Variants in PRKN observed in about 807,000 individuals in gnomAD.
PRKN encodes E3 ubiquitin-protein ligase parkin.
In PRKN, 56 loss-of-function variants were observed where a neutral mutation model predicts 59.5. The ratio of observed to expected loss-of-function variants is 0.94; its 90% CI spans 0.76 to 1.18. The LOEUF (loss-of-function observed/expected upper bound fraction) is 1.18. Among genes scored for constraint, PRKN ranks in the 50% most tolerant of loss-of-function variants. The pLI, the probability that PRKN is intolerant of heterozygous loss-of-function variation, is 0.00. For synonymous variants in PRKN, 250 were observed against 222.1 expected, an observed-to-expected ratio of 1.13 and a Z score of -1.12; for missense variants, 657 against 596.4, an observed-to-expected ratio of 1.10 and a Z score of -1.06.
chr6:162,283,933 A>G (rs1414553702), intron 2 of PRKN, among the ~76,000 whole-genome samples: 1 of 152,220 alleles, frequency 6.6e-6, no homozygotes, highest in Non-Finnish European at 1.5e-5. Context: ...TACCTGAACA[A>G]TATTCTAAAA....
At chr6:161,421,260 C>A (rs1788094449) in intron 9 of PRKN, among the ~76,000 whole-genome samples, 1 of 152,128 alleles carries the variant, frequency 6.6e-6, no homozygotes, top group South Asian at 2.1e-4. Flanking sequence ...TTGAAACGTG[C>A]TGAATTCCCA....
intron 1 of PRKN, among the ~76,000 whole-genome samples, chr6:162,685,392 T>C (rs941377401): frequency 6.6e-5 from 10 of 152,170 alleles, no homozygotes; most frequent in South Asian, 2.1e-4. Context: ...CAGAAAAGTA[T>C]ATATTTTTCA....
intron 6 of PRKN, among the ~76,000 whole-genome samples, chr6:161,852,675 GC>G (rs1281016681): frequency 6.6e-6 from 1 of 152,172 alleles, no homozygotes; most frequent in Non-Finnish European, 1.5e-5. Context: ...AAGCAACTGA[GC>G]TTTTTTGAAG....
chr6:161,761,975 G>T (rs1019714151), intron 7 of PRKN, among the ~76,000 whole-genome samples: 1 of 152,210 alleles, frequency 6.6e-6, no homozygotes, highest in African/African-American at 2.4e-5. Flanking sequence ...TGGGTTGGTG[G>T]AGGACAGGAC....
Position 162,155,112 on chromosome 6 carries a change from A to AAC in PRKN, c.534+46018_534+46019insGT, listed in dbSNP as rs68057892. Among the ~76,000 whole-genome samples the AAC allele has an allele frequency of 3.4e-3, 511 of 150,796 alleles. 3 individuals carry two copies. The highest frequency in any genetic ancestry group is 0.021 in the Middle Eastern group (6 of 288). ...GAAAAAAAATAAAACCTAAAAAAAA[A>AAC]AACAACAAAATGACTTACTCAGCTG... On this transcript the variant is annotated intron_variant, in intron 4 of 11. Transcript: ENST00000366898.
In PRKN at chr6:161,451,090, G is replaced by A. The variant is rs1383092417; in HGVS notation, c.1084-64213C>T. Among the ~76,000 whole-genome samples the A allele has an allele frequency of 2.0e-5, 3 of 152,122 alleles. No individual in the cohort carries two copies. The highest frequency in any genetic ancestry group is 7.2e-5 in the African/African-American group (3 of 41,414). On this transcript the variant is annotated intron_variant, in intron 9 of 11. Transcript: ENST00000366898. This position sits in a 1 kb window ranked among gnomAD's most constrained non-coding sequence, Gnocchi z 5.9. ...AAGCCTTGAGGACTAGAACAGAACC[G>A]ATGGAAAGAGAACTGGCAAGGGGCT...
chr6:162,430,236 A>G (rs1400689215), intron 2 of PRKN, among the ~76,000 whole-genome samples: 1 of 152,154 alleles, frequency 6.6e-6, no homozygotes, highest in Non-Finnish European at 1.5e-5. Context: ...GTTACAACGT[A>G]CAAGGCACTC....
At chr6:162,620,052 A>C (rs1782599061) in intron 1 of PRKN, among the ~76,000 whole-genome samples, 1 of 42,432 alleles carries the variant, frequency 2.4e-5, no homozygotes, top group Non-Finnish European at 4.1e-5. Flanking sequence ...AATACATATT[A>C]TTTCTTAACT....
At chr6:162,585,549 C>T (rs1781008694) in intron 1 of PRKN, among the ~76,000 whole-genome samples, 1 of 152,132 alleles carries the variant, frequency 6.6e-6, no homozygotes, top group Admixed American at 6.5e-5. Context: ...TAATTCTATT[C>T]TTCTCTTATT....
At chr6:162,579,597 A>G (rs1583843448) in intron 1 of PRKN, among the ~76,000 whole-genome samples, 1 of 122,494 alleles carries the variant, frequency 8.2e-6, no homozygotes, top group Admixed American at 8.1e-5. Flanking sequence ...TCACACGTGC[A>G]CAGATTCACA....
intron 3 of PRKN, among the ~76,000 whole-genome samples, chr6:162,216,684 T>C (rs1043955170): frequency 2.0e-5 from 3 of 151,996 alleles, no homozygotes; most frequent in South Asian, 4.2e-4. Flanking sequence ...AGCTCCATCA[T>C]TGGGCTTTAA....
chr6:161,953,889 G>A (rs1261442139), intron 6 of PRKN, among the ~76,000 whole-genome samples: 1 of 152,098 alleles, frequency 6.6e-6, no homozygotes, highest in Non-Finnish European at 1.5e-5. Context: ...GCGCACCTAG[G>A]AATACACACT....
intron 6 of PRKN, among the ~76,000 whole-genome samples, chr6:161,937,283 T>C (rs1229084073): frequency 6.6e-6 from 1 of 152,230 alleles, no homozygotes; most frequent in Non-Finnish European, 1.5e-5. Context: ...TTTCATCTTT[T>C]AATTCCATTT....
Position 162,359,445 on chromosome 6 carries a change from C to A in PRKN, c.171+83865G>T, listed in dbSNP as rs1023865432. On this transcript the variant is annotated intron_variant, in intron 2 of 11. Transcript: ENST00000366898. ...TTAGTAATGGAATCAGGAAAAAATT[C>A]AATCACTTGACTTTTAACCAATAAT... Among the ~76,000 whole-genome samples, 3 of 152,010 alleles carry A rather than the reference C, an allele frequency of 2.0e-5. No homozygotes were observed. The South Asian group carries it at 6.2e-4, about 32-fold the overall frequency.
chr6:162,614,513 T>C (rs1158527920), intron 1 of PRKN, among the ~76,000 whole-genome samples: 1 of 152,224 alleles, frequency 6.6e-6, no homozygotes, highest in Non-Finnish European at 1.5e-5. Context: ...ATTTAATGTG[T>C]GCCTTTAAAT....
rs544453850 is a variant in PRKN at position 162,620,883 on chromosome 6, G to A, written c.7+106779C>T. On this transcript the variant is annotated intron_variant, in intron 1 of 11. Transcript: ENST00000366898. The stretch of plus-strand genomic sequence containing the variant: ...ATTTTTTACCAATCTTTGTATTTCC[G>A]GTGTGTATGATTAAAAGTTGGGAAT... Among the ~76,000 whole-genome samples the A allele has an allele frequency of 8.1e-4, 123 of 152,076 alleles. 1 individual carries two copies. The highest frequency in any genetic ancestry group is 1.2e-3 in the Non-Finnish European group (80 of 67,984).
intron 3 of PRKN, among the ~76,000 whole-genome samples, chr6:162,211,965 A>G (rs1011701957): frequency 6.6e-6 from 1 of 152,040 alleles, no homozygotes; most frequent in African/African-American, 2.4e-5. Context: ...TGCTGGGGGG[A>G]AAACATAGAT....
At chr6:161,868,932 T>A (rs1794230716) in intron 6 of PRKN, among the ~76,000 whole-genome samples, 1 of 152,310 alleles carries the variant, frequency 6.6e-6, no homozygotes, top group South Asian at 2.1e-4. Context: ...GTAAAATAAT[T>A]ACAATTACTT....
At chr6:162,354,550 A>G (rs1784762885) in intron 2 of PRKN, among the ~76,000 whole-genome samples, 1 of 152,230 alleles carries the variant, frequency 6.6e-6, no homozygotes, top group South Asian at 2.1e-4. Context: ...GCATAAAAAT[A>G]AGATGGCATT....
Sources: gnomAD v4.1 joint callset for allele counts (sites outside exome capture counted in the v4.1 genomes callset) on GRCh38, gnomAD v4.1.1 for gene constraint, Gnocchi (gnomAD v3.1) non-coding constraint, MANE v1.5 for transcripts, NCBI Gene and HGNC (gene_info 2026-07-23, HGNC 2026-07-21) for gene names.